Variants in NELL1 observed in about 807,000 individuals in gnomAD.
NELL1 encodes the protein neural EGFL like 1.
NELL1 carries 76 observed loss-of-function variants against 107.4 expected under a neutral mutation model. That is an observed-to-expected ratio of 0.71 (90% CI 0.59 to 0.86). NELL1 has a LOEUF of 0.86. Among genes scored for constraint, NELL1 ranks in the 40% least tolerant of loss-of-function variants. The pLI is 0.00. For missense variants in NELL1, 1,024 were observed against 1,005.5 expected, an observed-to-expected ratio of 1.02 and a Z score of -0.25; for synonymous variants, 353 against 341.2, an observed-to-expected ratio of 1.03 and a Z score of -0.38.
chr11:20,954,948 T>C (rs1380920583), intron 11 of NELL1, among the ~76,000 whole-genome samples: 1 of 152,120 alleles, frequency 6.6e-6, no homozygotes, highest in Non-Finnish European at 1.5e-5. Flanking sequence ...TAAAGTCTAC[T>C]GGAAAGAAAG....
chr11:21,318,963 A>G (rs1023461755), intron 14 of NELL1, among the ~76,000 whole-genome samples: 2 of 152,042 alleles, frequency 1.3e-5, no homozygotes, highest in East Asian at 1.9e-4. Flanking sequence ...GAATTACTTT[A>G]TAAGGCTCTT....
At position 21,072,006 on chromosome 11, in the gene NELL1, A is replaced by C. The variant is rs562624176; in HGVS notation, c.1301-41583A>C. 1.2e-3 allele frequency among the ~76,000 whole-genome samples: 177 copies of C among 152,240 alleles called. 1 individual carries two copies. The highest frequency in any genetic ancestry group is 4.1e-3 in the African/African-American group (169 of 41,558). On this transcript the variant is annotated intron_variant, in intron 12 of 19. Transcript: ENST00000357134. Reference sequence around the variant, plus strand: ...TAGCAGAAGCCCATGAGAAGCAAAAATTTGGAAGCCACAATTTTCTCATTA... The same window carrying C: ...TAGCAGAAGCCCATGAGAAGCAAAACTTTGGAAGCCACAATTTTCTCATTA...
chr11:20,915,699 T>TTATATATA (rs1242467428), intron 5 of NELL1, among the ~76,000 whole-genome samples: 1 of 20,384 alleles, frequency 4.9e-5, no homozygotes, highest in African/African-American at 1.0e-4. Context: ...TCCTCATAGA[T>TTATATATA]GATATATATA....
intron 15 of NELL1, among the ~76,000 whole-genome samples, chr11:21,520,988 T>A (rs187266038): frequency 6.6e-6 from 1 of 152,358 alleles, no homozygotes; most frequent in East Asian, 1.9e-4. Flanking sequence ...GTTACCCTTA[T>A]GTTGGTACTA....
At chr11:20,926,754 A>G (rs1048975648) in intron 7 of NELL1, among the ~76,000 whole-genome samples, 1 of 152,172 alleles carries the variant, frequency 6.6e-6, no homozygotes, top group Non-Finnish European at 1.5e-5. Context: ...TCTAAGCACA[A>G]AAGTGAATTC....
chr11:21,394,964 C>T (rs1442665487), intron 15 of NELL1, among the ~76,000 whole-genome samples: 2 of 151,194 alleles, frequency 1.3e-5, no homozygotes, highest in African/African-American at 4.8e-5. Context: ...TAGTGGGACT[C>T]AGATAGTATG....
At chr11:21,479,553 T>C (rs893022559) in intron 15 of NELL1, among the ~76,000 whole-genome samples, 2 of 151,952 alleles carry the variant, frequency 1.3e-5, no homozygotes, top group African/African-American at 4.8e-5. Context: ...AGGTAGTGGG[T>C]AGGAGGGAAG....
chr11:20,841,737 C>T (rs1183469698), intron 3 of NELL1, among the ~76,000 whole-genome samples: 2 of 152,066 alleles, frequency 1.3e-5, no homozygotes, highest in Non-Finnish European at 2.9e-5. Context: ...TTATAGGCCT[C>T]ATCTTTTCCC....
In NELL1 at chr11:20,905,335, A is replaced by G. The variant is rs574304566; in HGVS notation, c.604-12847A>G. Among the ~76,000 whole-genome samples the G allele has an allele frequency of 9.2e-5, 14 of 152,318 alleles. No homozygotes were observed. In the East Asian group the frequency reaches 2.3e-3, roughly 25 times the overall value. On this transcript the variant is annotated intron_variant, in intron 5 of 19. Transcript: ENST00000357134. The stretch of plus-strand genomic sequence containing the variant: ...CAGATCTGTTCTCCAGTGTTAATAC[A>G]TTATAACATCCAAATGTTCAGTGTT...
intron 13 of NELL1, among the ~76,000 whole-genome samples, chr11:21,177,427 C>T (rs1856736160): frequency 6.6e-6 from 1 of 151,722 alleles, no homozygotes; most frequent in South Asian, 2.1e-4. Flanking sequence ...CATGTTGTCA[C>T]AAATGACAAC....
intron 13 of NELL1, among the ~76,000 whole-genome samples, chr11:21,126,910 A>G (rs1001817388): frequency 6.6e-6 from 1 of 152,214 alleles, no homozygotes; most frequent in Non-Finnish European, 1.5e-5. Context: ...CAAGAGAAAT[A>G]TCACCTTCCT....
intron 14 of NELL1, among the ~76,000 whole-genome samples, chr11:21,265,783 T>A (rs1307916590): frequency 2.6e-5 from 4 of 152,032 alleles, no homozygotes; most frequent in African/African-American, 9.7e-5. Flanking sequence ...TTTTCCTTTT[T>A]AAGGTAGTAT....
intron 3 of NELL1, among the ~76,000 whole-genome samples, chr11:20,824,006 A>G (rs1857818297): frequency 6.6e-6 from 1 of 151,238 alleles, no homozygotes; most frequent in Non-Finnish European, 1.5e-5. Flanking sequence ...GTGCATCCTC[A>G]CCCAAATCTC....
In NELL1 at chr11:21,208,811, G is replaced by A. The variant is rs574157654; in HGVS notation, c.1427-20521G>A. ...CGAAGAAAGATTTAAGAATCTATAA[G>A]CTCTTAAAGTGGTTTACAGCCAGAG... On this transcript the variant is annotated intron_variant, in intron 13 of 19. Transcript: ENST00000357134. Among the ~76,000 whole-genome samples, 23 of 152,270 alleles carry A rather than the reference G, an allele frequency of 1.5e-4. No individual in the cohort carries two copies. The South Asian group carries it at 4.6e-3, about 30-fold the overall frequency.
chr11:21,386,600 T>G (rs1288137836), intron 15 of NELL1, among the ~76,000 whole-genome samples: 1 of 151,890 alleles, frequency 6.6e-6, no homozygotes, highest in African/African-American at 2.4e-5. Context: ...AACTGCGGAC[T>G]GCACTATTAA....
At chr11:21,009,401 G>T (rs1286800521) in intron 12 of NELL1, among the ~76,000 whole-genome samples, 4 of 152,080 alleles carry the variant, frequency 2.6e-5, no homozygotes, top group Admixed American at 6.6e-5. Flanking sequence ...TTGTGTTCGT[G>T]GTGCTCACTG....
At chr11:20,912,273 A>G (rs1478195567) in intron 5 of NELL1, among the ~76,000 whole-genome samples, 1 of 152,168 alleles carries the variant, frequency 6.6e-6, no homozygotes, top group African/African-American at 2.4e-5. Context: ...AGCCTCTAGC[A>G]TTAGGTAATT....
chr11:20,757,512 C>A (rs1230575300), intron 2 of NELL1, among the ~76,000 whole-genome samples: 1 of 152,208 alleles, frequency 6.6e-6, no homozygotes, highest in Non-Finnish European at 1.5e-5. Flanking sequence ...TGCTTTCTGA[C>A]CCTATATACA....
chr11:21,139,651 A>G (rs754868435), intron 13 of NELL1, among the ~76,000 whole-genome samples: 49 of 152,214 alleles, frequency 3.2e-4, no homozygotes, highest in Non-Finnish European at 5.7e-4. Flanking sequence ...TGCCTGGTAC[A>G]TGGTAGGCAC....
Sources: gnomAD v4.1 joint callset for allele counts (sites outside exome capture counted in the v4.1 genomes callset) on GRCh38, gnomAD v4.1.1 for gene constraint, MANE v1.5 for transcripts, NCBI Gene and HGNC (gene_info 2026-07-23, HGNC 2026-07-21) for gene names.